Variants in LDB3 observed in about 807,000 individuals in gnomAD.
The protein encoded by LDB3 is LIM domain binding 3, also known as LIM domain-binding protein 3.
A neutral mutation model predicts 69.0 loss-of-function variants in LDB3; 49 were observed. That is an observed-to-expected ratio of 0.71 (90% CI 0.56 to 0.90). The LOEUF is 0.90. Among genes scored for constraint, LDB3 ranks in the 40% least tolerant of loss-of-function variants. LDB3 has a pLI of 0.00. For missense variants in LDB3, 928 were observed against 974.1 expected (o/e 0.95, Z 0.63); for synonymous variants, 387 against 396.2 (o/e 0.98, Z 0.28).
At chr10:86,728,008 G>C (rs76602876) in intron 13 of LDB3, among the ~76,000 whole-genome samples, 1 of 152,068 alleles carries the variant, frequency 6.6e-6, no homozygotes, top group Admixed American at 6.6e-5. Context: ...TTCTCTAGTT[G>C]TCTTTTAGGG....
At chr10:86,718,260 T>C in intron 11 of LDB3, 116 bp downstream of exon 11, 1 of 956,572 alleles carries the variant, frequency 1.0e-6, no homozygotes, top group Non-Finnish European at 1.7e-6. Flanking sequence ...AGCAACTCCA[T>C]TTTTATCCTA....
chr10:86,711,923 G>T (rs1846685263), intron 9 of LDB3, among the ~76,000 whole-genome samples: 1 of 152,048 alleles, frequency 6.6e-6, no homozygotes, highest in Non-Finnish European at 1.5e-5. Context: ...CGCCGAGTGC[G>T]ATAGGGGACT....
chr10:86,668,729 G>A lies in LDB3; in HGVS notation c.38G>A (p.Trp13Ter). Reference sequence around the variant, plus strand: ...GTGACCCTGACTGGGCCCGGGCCCTGGGGCTTCCGTCTGCAGGGGGGCAAG... The same window carrying A: ...GTGACCCTGACTGGGCCCGGGCCCTAGGGCTTCCGTCTGCAGGGGGGCAAG... ...YSVTLTGPGP[W>*]GFRLQGGKDF... The change falls in exon 2 of 14, where the codon TGG (tryptophan) becomes TAG (stop). Residue 13 changes from tryptophan to a stop codon, truncating the protein, a stop_gained. Transcript: ENST00000361373. LOFTEE classifies it high-confidence loss of function. The A allele has an allele frequency of 3.7e-6, 6 of 1,613,386 alleles. No homozygotes were observed. Among genetic ancestry groups the A allele is most frequent in the Non-Finnish European group, 5.1e-6 (6 of 1,179,990 alleles).
At chr10:86,728,744 G>T (rs1183208844) in intron 13 of LDB3, among the ~76,000 whole-genome samples, 2 of 151,912 alleles carry the variant, frequency 1.3e-5, no homozygotes, top group Admixed American at 1.3e-4. Flanking sequence ...ACCACACCTG[G>T]CTAATTTTTG....
Position 86,706,665 on chromosome 10 carries a change from C to A in LDB3, c.1031C>A (p.Ala344Asp), listed in dbSNP as rs1319553737. Residue 344 changes from alanine to aspartate, a missense_variant, in exon 8 of 14, where the codon GCC (alanine) becomes GAC (aspartate). By Grantham distance (126) the Ala-to-Asp change is moderately radical. Coordinates refer to ENST00000361373, the MANE Select transcript of LDB3 (RefSeq NM_007078.3). The part of the protein sequence containing the change: ...PPLATAAAHT[A>D]IASASTTAPA... Reference sequence around the variant, plus strand: ...CTGGCCACAGCTGCTGCCCACACTGCCATCGCCTCCGCCTCCACCACAGCC... The same window carrying A: ...CTGGCCACAGCTGCTGCCCACACTGACATCGCCTCCGCCTCCACCACAGCC... 2 of 1,612,910 alleles carry A rather than the reference C, an allele frequency of 1.2e-6. No individual in the cohort carries two copies. The highest frequency in any genetic ancestry group is 1.7e-6 in the Non-Finnish European group (2 of 1,179,856).
intron 9 of LDB3, chr10:86,710,370 G>A: frequency 1.7e-6 from 1 of 572,972 alleles, no homozygotes; most frequent in Non-Finnish European, 2.2e-6. Context: ...CAGGAGGATC[G>A]CCTGAGGTCG....
rs751254270 is a variant in LDB3, at chr10:86,681,557, G to A, written c.443G>A (p.Arg148Gln). The change falls in exon 5 of 14, where the codon CGG becomes CAG. Residue 148 changes from arginine to glutamine, a missense_variant. Coordinates refer to ENST00000361373, the MANE Select transcript of LDB3 (RefSeq NM_007078.3). ...CCCACCTTTAGCCCTGCCTTCTCCC[G>A]GCCCTCCGCCTTCTCCTCACTCGCC... The part of the protein sequence containing the change: ...LRPTFSPAFS[R>Q]PSAFSSLAEA... 9.9e-6 allele frequency: 16 copies of A among 1,612,806 alleles called. No individual in the cohort carries two copies. Among genetic ancestry groups the A allele is most frequent in the South Asian group, 5.5e-5 (5 of 91,084 alleles).
Position 86,703,235 on chromosome 10 carries a change from G to T in LDB3, c.897-3296G>T, listed in dbSNP as rs569610771. ...AGGGCCATGGAGAGCAGATAAAGGA[G>T]ATCAGTGTTCTGTGTCAGCCTGAGC... On this transcript the variant is annotated intron_variant, in intron 7 of 13. Coordinates refer to ENST00000361373, the MANE Select transcript of LDB3 (RefSeq NM_007078.3). Among the ~76,000 whole-genome samples the T allele has an allele frequency of 3.3e-5, 5 of 152,344 alleles. No homozygotes were observed. The South Asian group carries it at 1.0e-3, about 32-fold the overall frequency.
chr10:86,718,992 A>G (rs1564659167), intron 12 of LDB3, 145 bp downstream of exon 12: 1 of 1,032,422 alleles, frequency 9.7e-7, no homozygotes, highest in South Asian at 1.6e-5. Context: ...TTTGCTTTTA[A>G]TGGCAGAATC....
At position 86,716,654 on chromosome 10, in the gene LDB3, C is replaced by T; in HGVS notation, c.1559C>T (p.Ala520Val). ...SKQTLPRGGP[A>V]YTPAGPQVPP... is the part of the protein sequence containing the mutation. ...CAGACCCTGCCCCGGGGAGGCCCAG[C>T]CTACACCCCAGCGGGTCCTCAGGTG... The change falls in exon 10 of 14, where the codon GCC (alanine) becomes GTC (valine). Residue 520 changes from alanine (A) to valine (V), a missense_variant. Transcript: ENST00000361373. 6.2e-7 allele frequency: 1 copy of T among 1,614,048 alleles called. No homozygotes were observed. Among genetic ancestry groups the T allele is most frequent in the Non-Finnish European group, 8.5e-7 (1 of 1,180,006 alleles).
At chr10:86,698,319 A>G (rs1169817098) in intron 7 of LDB3, among the ~76,000 whole-genome samples, 1 of 152,220 alleles carries the variant, frequency 6.6e-6, no homozygotes, top group Non-Finnish European at 1.5e-5. Context: ...ATGGACTCAG[A>G]AATTAATCTT....
chr10:86,712,913 T>C (rs1336873360), intron 9 of LDB3, among the ~76,000 whole-genome samples: 1 of 151,722 alleles, frequency 6.6e-6, no homozygotes, highest in East Asian at 1.9e-4. Flanking sequence ...TACAAAAAAT[T>C]AGCCGGGCGT....
In LDB3 at chr10:86,687,072, C is replaced by T. The variant is rs397516557; in HGVS notation, c.690-4824C>T. ...TACTCCCGCACCCCTCCCCCAGCGCCGACTACCAGGAACGCTTCAACCCCA... is the reference window on the plus strand; with the variant it reads ...TACTCCCGCACCCCTCCCCCAGCGCTGACTACCAGGAACGCTTCAACCCCA... On this transcript the variant is annotated intron_variant, in intron 5 of 13. Coordinates refer to ENST00000361373, the MANE Select transcript of LDB3 (RefSeq NM_007078.3). The T allele has an allele frequency of 3.6e-5, 58 of 1,613,968 alleles. No individual in the cohort carries two copies. Among genetic ancestry groups the T allele is most frequent in the East Asian group, 3.1e-4 (14 of 44,874 alleles).
At chr10:86,666,881 G>C, upstream of LDB3, 1 of 469,740 alleles carries the variant, frequency 2.1e-6, no homozygotes. Flanking sequence ...GGCCCTGAGG[G>C]TGGGTGCCTT....
rs889419368 is a variant in LDB3 at position 86,681,300 on chromosome 10, G to T, written c.322-136G>T. The stretch of plus-strand genomic sequence containing the variant: ...ACCAGTGTCCTCCCCTCCAAGTGCT[G>T]CGCCCAGGCGCTCTGGGCTTCAGGC... On this transcript the variant is annotated intron_variant, in intron 4 of 13. Transcript: ENST00000361373. 3 of 1,317,978 alleles carry T rather than the reference G, an allele frequency of 2.3e-6. No individual in the cohort carries two copies. The East Asian group carries it at 6.9e-5, about 30-fold the overall frequency. 81.6% of individuals were successfully genotyped at this position (1,317,978 alleles called of 1,614,324 possible). A position where few individuals can be genotyped will look rare whatever the true frequency, so the allele number is the denominator to read the frequency against.
intron 7 of LDB3, among the ~76,000 whole-genome samples, chr10:86,698,474 A>G (rs1013348385): frequency 6.6e-6 from 1 of 152,170 alleles, no homozygotes; most frequent in Admixed American, 6.5e-5. Flanking sequence ...CGCCTGTGGC[A>G]CTGGCCTTTC....
intron 13 of LDB3, among the ~76,000 whole-genome samples, chr10:86,730,655 C>CT (rs1470957123): frequency 6.6e-6 from 1 of 152,222 alleles, no homozygotes; most frequent in Non-Finnish European, 1.5e-5. Flanking sequence ...TATGGGCCCT[C>CT]TGAGCCCCAG....
intron 4 of LDB3, 98 bp from the exon 5 acceptor site, chr10:86,681,338 G>T (rs980145379): frequency 2.6e-6 from 4 of 1,558,322 alleles, no homozygotes; most frequent in Non-Finnish European, 3.5e-6. Context: ...CGGGGCTCGC[G>T]CTAACACATC....
At chr10:86,683,166 G>C (rs1017311059) in intron 5 of LDB3, among the ~76,000 whole-genome samples, 1 of 152,210 alleles carries the variant, frequency 6.6e-6, no homozygotes, top group African/African-American at 2.4e-5. Flanking sequence ...CTCAGGCAGA[G>C]AGGTCAGCCT....
Sources: allele counts gnomAD v4.1 joint callset (sites outside exome capture counted in the v4.1 genomes callset), GRCh38; gene constraint gnomAD v4.1.1; transcripts MANE v1.5; gene names NCBI Gene and HGNC (gene_info 2026-07-23, HGNC 2026-07-21).